The following ARAP2 variants were observed in gnomAD, a reference collection of about 807,000 sequenced individuals.
ARAP2 encodes arf-GAP with Rho-GAP domain, ANK repeat and PH domain-containing protein 2.
A neutral mutation model predicts 194.5 loss-of-function variants in ARAP2; 148 were observed. The ratio of observed to expected loss-of-function variants is 0.76; its 90% CI spans 0.67 to 0.87. ARAP2 has a LOEUF of 0.87. ARAP2 is among the 40% of genes least tolerant of loss of function. The pLI, the probability that ARAP2 is intolerant of heterozygous loss-of-function variation, is 0.00. For synonymous variants in ARAP2, 695 were observed against 683.5 expected (o/e 1.02, Z -0.26); for missense variants, 2,128 against 1,989.7 (o/e 1.07, Z -1.32).
chr4:36,207,249 TGAA>T (rs1365866719), intron 6 of ARAP2, among the ~76,000 whole-genome samples: 3 of 152,186 alleles, frequency 2.0e-5, no homozygotes, highest in Non-Finnish European at 2.9e-5. Context: ...TGCGAAAAAG[TGAA>T]GAAGATGATT....
intron 26 of ARAP2, among the ~76,000 whole-genome samples, chr4:36,110,532 G>T: frequency 6.6e-6 from 1 of 151,868 alleles, no homozygotes; most frequent in East Asian, 1.9e-4. Flanking sequence ...GTCTACATTG[G>T]CAGAGGATGG....
intron 32 of ARAP2, among the ~76,000 whole-genome samples, chr4:36,072,495 G>A (rs1727222074): frequency 1.3e-5 from 2 of 151,986 alleles, no homozygotes; most frequent in Non-Finnish European, 2.9e-5. Flanking sequence ...TTGATCTGAA[G>A]GCAATGTCAA....
intron 31 of ARAP2, among the ~76,000 whole-genome samples, chr4:36,075,982 C>T (rs73123462): frequency 0.05 from 7,536 of 152,198 alleles, 421 homozygotes; most frequent in African/African-American, 0.13. Context: ...ACCCTGCCTG[C>T]GTCACATGTG....
chr4:36,162,901 T>C (rs979866132), intron 11 of ARAP2, among the ~76,000 whole-genome samples: 1 of 152,160 alleles, frequency 6.6e-6, no homozygotes, highest in Non-Finnish European at 1.5e-5. Context: ...GTCAAGAAGG[T>C]GTCTCAGATT....
At chr4:36,147,880 C>T in intron 17 of ARAP2, 134 bp from the exon 18 acceptor site, 1 of 749,038 alleles carries the variant, frequency 1.3e-6, no homozygotes. Context: ...ACACCAAATT[C>T]AAAACAACTA....
chr4:36,148,476 A>T lies in ARAP2; in HGVS notation c.2929T>A (p.Ser977Thr). The change falls in exon 17 of 33, where the codon TCC (serine) becomes ACC (threonine). Residue 977 changes from serine (S) to threonine (T), a missense_variant. Physicochemically the swap from Ser to Thr is moderately conservative, Grantham distance 58. Coordinates refer to ENST00000303965, the MANE Select transcript of ARAP2 (RefSeq NM_015230.4). ...PIFIFEIYLP[S>T]ERVFLFGAET... ...GCTCCAAATAAAAACACACGTTCGGAGGGTAAGTAGATCTCAAAGATAAAG... is the reference window on the plus strand; with the variant it reads ...GCTCCAAATAAAAACACACGTTCGGTGGGTAAGTAGATCTCAAAGATAAAG... 1 of 1,613,156 alleles carries T rather than the reference A, an allele frequency of 6.2e-7. No homozygotes were observed. The highest frequency in any genetic ancestry group is 8.5e-7 in the Non-Finnish European group (1 of 1,179,418).
chr4:36,095,363 A>G (rs1238146096), intron 27 of ARAP2, among the ~76,000 whole-genome samples: 1 of 152,144 alleles, frequency 6.6e-6, no homozygotes, highest in Middle Eastern at 3.2e-3. Context: ...TGTGACATTC[A>G]AGTTAGATAA....
rs190836672 is a variant in ARAP2 at position 36,091,559 on chromosome 4, C to T, written c.4425+322G>A. 2.6e-5 allele frequency among the ~76,000 whole-genome samples: 4 copies of T among 152,078 alleles called. No homozygotes were observed. In the East Asian group the frequency reaches 7.7e-4, roughly 29 times the overall value. Reference sequence around the variant, plus strand: ...TAATTTCCAGTAGCTAATCTGAAGCCTTTTATTTTAGGGTATCACACATTC... The same window carrying T: ...TAATTTCCAGTAGCTAATCTGAAGCTTTTTATTTTAGGGTATCACACATTC... On this transcript the variant is annotated intron_variant, in intron 28 of 32. Transcript: ENST00000303965.
chr4:36,038,947 A>C (rs1577622376), intron 5 of ARAP2, among the ~76,000 whole-genome samples: 1 of 152,232 alleles, frequency 6.6e-6, no homozygotes, highest in Admixed American at 6.6e-5. Flanking sequence ...AATTTCCCCA[A>C]TATCACTCCT....
intron 5 of ARAP2, among the ~76,000 whole-genome samples, chr4:36,019,518 A>T (rs918093058): frequency 6.7e-6 from 1 of 149,176 alleles, no homozygotes; most frequent in African/African-American, 2.6e-5. Context: ...ACAATATCGG[A>T]TACAATTCTC....
chr4:36,217,733 A>G (rs1748262726), intron 2 of ARAP2, among the ~76,000 whole-genome samples: 1 of 151,662 alleles, frequency 6.6e-6, no homozygotes. Flanking sequence ...GCAAGAACTG[A>G]ACTGGAAACC....
At chr4:36,167,214 T>C (rs1735489006) in intron 9 of ARAP2, among the ~76,000 whole-genome samples, 167 bp from the exon 10 acceptor site, 1 of 152,162 alleles carries the variant, frequency 6.6e-6, no homozygotes, top group Admixed American at 6.5e-5. Flanking sequence ...CAACTTAAGC[T>C]TGACAGTTGG....
chr4:36,236,172 C>A (rs1481612889), intron 1 of ARAP2, among the ~76,000 whole-genome samples: 2 of 131,292 alleles, frequency 1.5e-5, no homozygotes, highest in Non-Finnish European at 3.2e-5. Context: ...GAGCCAGACC[C>A]TGTCTCAAAA....
intron 11 of ARAP2, among the ~76,000 whole-genome samples, chr4:36,162,277 GATA>G (rs1734278075): frequency 6.6e-6 from 1 of 152,126 alleles, no homozygotes; most frequent in Non-Finnish European, 1.5e-5. Context: ...TGTAAATGCA[GATA>G]ATATTTCTTT....
intron 20 of ARAP2, among the ~76,000 whole-genome samples, chr4:36,129,480 G>A (rs910249146): frequency 2.0e-5 from 3 of 151,794 alleles, no homozygotes; most frequent in African/African-American, 7.2e-5. Context: ...TATTAACAAT[G>A]TTCTTTTTTT....
chr4:36,019,647 AAAG>A (rs2109335206), intron 5 of ARAP2, among the ~76,000 whole-genome samples: 1 of 152,166 alleles, frequency 6.6e-6, no homozygotes, highest in East Asian at 1.9e-4. Flanking sequence ...TGTTAGGTGA[AAAG>A]AAGAAAGAAG....
At chr4:36,119,769 G>A (rs879111759) in intron 23 of ARAP2, 51 bp from the exon 24 acceptor site, 1 of 1,275,478 alleles carries the variant, frequency 7.8e-7, no homozygotes, top group Non-Finnish European at 1.1e-6. Flanking sequence ...TACGAAGAGT[G>A]ATGACACTCA....
At chr4:36,012,188 C>A (rs1421763129) in intron 9 of ARAP2, among the ~76,000 whole-genome samples, 1 of 152,040 alleles carries the variant, frequency 6.6e-6, no homozygotes, top group African/African-American at 2.4e-5. Context: ...TTATGGTTTT[C>A]ATTTGGAAAC....
At chr4:36,177,661 C>T (rs1560599495) in intron 9 of ARAP2, among the ~76,000 whole-genome samples, 166 bp downstream of exon 9, 1 of 152,106 alleles carries the variant, frequency 6.6e-6, no homozygotes, top group East Asian at 1.9e-4. Flanking sequence ...CTGGTGGAGA[C>T]ACCAAGAAAA....
Sources: allele counts gnomAD v4.1 joint callset (sites outside exome capture counted in the v4.1 genomes callset), GRCh38; gene constraint gnomAD v4.1.1; transcripts MANE v1.5; gene names NCBI Gene and HGNC (gene_info 2026-07-23, HGNC 2026-07-21).